Variants in HERC1 observed in about 807,000 individuals in gnomAD.
The protein encoded by HERC1 is HECT and RLD domain containing E3 ubiquitin protein ligase family member 1.
HERC1 carries 160 observed loss-of-function variants against 554.3 expected under a neutral mutation model. The ratio of observed to expected loss-of-function variants is 0.29; its 90% CI spans 0.25 to 0.33. The LOEUF is 0.33. HERC1 is among the 10% of genes least tolerant of loss of function. The pLI is 1.00. For missense variants in HERC1, 4,919 were observed against 5,918.5 expected (o/e 0.83, Z 5.54); for synonymous variants, 2,175 against 2,131.7 (o/e 1.02, Z -0.56).
In HERC1 at chr15:63,723,152, A is replaced by G. The variant is rs536106509; in HGVS notation, c.3742+30T>C. On this transcript the variant is annotated intron_variant, in intron 19 of 77. Transcript: ENST00000443617. ...TTGCGAGCATTATGAGCTAACTACA[A>G]ATTTACTCCCTTTATCTTCTTTATC... The G allele has an allele frequency of 2.8e-5, 38 of 1,346,530 alleles. No homozygotes were observed. The African/African-American group carries it at 3.5e-4, about 12-fold the overall frequency. The allele number at this position is 1,346,530 out of a possible 1,614,324, so 83.4% of individuals were successfully genotyped here. A position where few individuals can be genotyped will look rare whatever the true frequency, so the allele number is the denominator to read the frequency against.
chr15:63,638,637 G>A (rs1231581345), intron 62 of HERC1, 74 bp downstream of exon 62: 1 of 1,579,412 alleles, frequency 6.3e-7, no homozygotes, highest in Non-Finnish European at 8.7e-7. Flanking sequence ...AGACACCAGG[G>A]CACAAACACA....
intron 3 of HERC1, among the ~76,000 whole-genome samples, chr15:63,760,428 C>T (rs1596179177): frequency 1.3e-5 from 1 of 79,106 alleles, no homozygotes; most frequent in African/African-American, 5.1e-5. Context: ...GCAGCAGAGA[C>T]ACCATCCAAA....
intron 57 of HERC1, among the ~76,000 whole-genome samples, chr15:63,644,078 G>T (rs948541063): frequency 2.6e-5 from 4 of 152,196 alleles, no homozygotes; most frequent in Non-Finnish European, 5.9e-5. Flanking sequence ...AGACCTATCT[G>T]TAGTACTCCC....
At chr15:63,723,392 T>A (rs748939957) in intron 18 of HERC1, 37 bp from the exon 19 acceptor site, 3 of 1,379,718 alleles carry the variant, frequency 2.2e-6, no homozygotes, top group African/African-American at 2.9e-5. Flanking sequence ...TTTAACATCA[T>A]AAATTTTGGT....
chr15:63,789,336 C>T (rs1028457571), intron 1 of HERC1, among the ~76,000 whole-genome samples: 2 of 150,668 alleles, frequency 1.3e-5, no homozygotes, highest in East Asian at 2.0e-4. Flanking sequence ...GTGATCCGCC[C>T]GCCTCGGCCT....
intron 1 of HERC1, among the ~76,000 whole-genome samples, chr15:63,781,285 T>C (rs2076282386): frequency 6.6e-6 from 1 of 152,240 alleles, no homozygotes; most frequent in Non-Finnish European, 1.5e-5. Flanking sequence ...GCTGTACAGA[T>C]ACTGCATCTT....
chr15:63,661,140 AAAGT>A, intron 45 of HERC1, 115 bp from the exon 46 acceptor site: 1 of 759,840 alleles, frequency 1.3e-6, no homozygotes, highest in Non-Finnish European at 2.3e-6. Flanking sequence ...ACAAAATAAA[AAAGT>A]ATGTTTCATG....
At chr15:63,689,868 A>G (rs936907498) in intron 32 of HERC1, among the ~76,000 whole-genome samples, 169 bp from the exon 33 acceptor site, 2 of 152,204 alleles carry the variant, frequency 1.3e-5, no homozygotes, top group Admixed American at 6.5e-5. Context: ...TTTTAGAAAT[A>G]TTAACCCATT....
chr15:63,797,772 A>G (rs1346791190), intron 1 of HERC1, among the ~76,000 whole-genome samples: 1 of 152,236 alleles, frequency 6.6e-6, no homozygotes, highest in Non-Finnish European at 1.5e-5. Context: ...GGAGATTACA[A>G]AATGTTTACT....
In HERC1 at chr15:63,720,103, C is replaced by CTTTTTTT. The variant is rs573648232; in HGVS notation, c.3743-1213_3743-1207dup. Among the ~76,000 whole-genome samples the CTTTTTTT allele has an allele frequency of 1.5e-3, 108 of 71,596 alleles. 18 individuals are homozygous for CTTTTTTT. Among genetic ancestry groups the CTTTTTTT allele is most frequent in the Non-Finnish European group, 1.8e-3 (68 of 37,468 alleles). The allele number at this position is 71,596 out of a possible 152,430, so 47.0% of individuals were successfully genotyped here. A position where few individuals can be genotyped will look rare whatever the true frequency, so the allele number is the denominator to read the frequency against. ...GGACTAGTCAGGTGCTTTTTCTTCC[C>CTTTTTTT]TTTTTTTTTTTTTTTAAGAGACAGG... On this transcript the variant is annotated intron_variant, in intron 19 of 77. Coordinates refer to ENST00000443617, the MANE Select transcript of HERC1 (RefSeq NM_003922.4).
chr15:63,784,171 A>G (rs1456230518), intron 1 of HERC1, among the ~76,000 whole-genome samples: 1 of 152,180 alleles, frequency 6.6e-6, no homozygotes, highest in Non-Finnish European at 1.5e-5. Context: ...CAAGATGATA[A>G]ATCTAATCTA....
intron 47 of HERC1, 27 bp downstream of exon 47, chr15:63,659,709 T>C: frequency 6.5e-7 from 1 of 1,540,850 alleles, no homozygotes; most frequent in Non-Finnish European, 9.0e-7. Flanking sequence ...TGCTATAAAA[T>C]CAATGCAAAT....
intron 38 of HERC1, among the ~76,000 whole-genome samples, chr15:63,673,826 G>A (rs1468095039): frequency 6.6e-6 from 1 of 152,236 alleles, no homozygotes; most frequent in Non-Finnish European, 1.5e-5. Flanking sequence ...CCAGGTTCAA[G>A]ATATTCTACT....
chr15:63,767,480 A>T (rs574585320), intron 2 of HERC1, among the ~76,000 whole-genome samples: 10 of 152,172 alleles, frequency 6.6e-5, no homozygotes, highest in Non-Finnish European at 1.3e-4. Context: ...CGGGTGGATC[A>T]TCTGAGGTCA....
intron 75 of HERC1, 42 bp downstream of exon 75, chr15:63,616,388 G>C: frequency 6.3e-7 from 1 of 1,586,816 alleles, no homozygotes; most frequent in Non-Finnish European, 8.6e-7. Context: ...TGTGCATATA[G>C]GACGTCAACA....
At chr15:63,715,948 C>T (rs955422932) in intron 22 of HERC1, among the ~76,000 whole-genome samples, 1 of 152,162 alleles carries the variant, frequency 6.6e-6, no homozygotes, top group Non-Finnish European at 1.5e-5. Context: ...CTCTCTTCCT[C>T]ACCGCTCAGA....
chr15:63,755,157 C>G, intron 6 of HERC1, 72 bp downstream of exon 6: 1 of 1,030,282 alleles, frequency 9.7e-7, no homozygotes, highest in South Asian at 1.3e-5. Flanking sequence ...TAAATCTGCT[C>G]TCACGGCTTC....
chr15:63,758,419 G>A lies in HERC1; in HGVS notation c.1027-50C>T. 1.4e-6 allele frequency: 2 copies of A among 1,380,630 alleles called. No individual in the cohort carries two copies. Among genetic ancestry groups the A allele is most frequent in the Non-Finnish European group, 2.0e-6 (2 of 1,011,208 alleles). The allele number at this position is 1,380,630 out of a possible 1,614,324, so 85.5% of individuals were successfully genotyped here. A position where few individuals can be genotyped will look rare whatever the true frequency, so the allele number is the denominator to read the frequency against. ...CAAATAGTCAAGACAGTTTTAGTCT[G>A]GGCATTTTTTATACATATCCTCTGA... On this transcript the variant is annotated intron_variant, in intron 3 of 77. Transcript: ENST00000443617. The surrounding 1 kb of genome is among the most constrained non-coding windows in gnomAD (Gnocchi z 4.0).
chr15:63,786,917 A>ATTTTTTTTTTTT (rs1378851561), intron 1 of HERC1, among the ~76,000 whole-genome samples: 1 of 126,978 alleles, frequency 7.9e-6, no homozygotes. Flanking sequence ...TCAATAAATT[A>ATTTTTTTTTTTT]TTATTTTTTT....
Sources: allele counts gnomAD v4.1 joint callset (sites outside exome capture counted in the v4.1 genomes callset), GRCh38; gene constraint gnomAD v4.1.1; non-coding constraint Gnocchi (gnomAD v3.1); transcripts MANE v1.5; gene names NCBI Gene and HGNC (gene_info 2026-07-23, HGNC 2026-07-21).